TSHZ1: variants seen among roughly 807,000 people sequenced by gnomAD.
TSHZ1 encodes the protein teashirt zinc finger homeobox 1, also known as teashirt homolog 1.
Under a neutral mutation model 67.1 loss-of-function variants are expected in TSHZ1, and 12 were observed. The ratio of observed to expected loss-of-function variants is 0.18; its 90% confidence interval spans 0.11 to 0.29. The LOEUF (loss-of-function observed/expected upper bound fraction) is 0.29, where lower values mean the gene tolerates loss of function less well. TSHZ1 is among the 10% of genes least tolerant of loss of function. The probability of loss-of-function intolerance (pLI) is 1.00; values close to 1 mark genes in which losing one functional copy is unlikely to be tolerated. For missense variants in TSHZ1, 1,305 were observed against 1,413.9 expected (o/e 0.92, Z 1.23); for synonymous variants, 632 against 622.4 (o/e 1.02, Z -0.23).
chr18:75,231,851 T>G (rs948517740), intron 1 of TSHZ1, among the ~76,000 whole-genome samples: 2 of 152,032 alleles, frequency 1.3e-5, no homozygotes, highest in Admixed American at 6.5e-5. Flanking sequence ...TCTGCGATTT[T>G]AGATCTTCAC....
In TSHZ1 at chr18:75,287,625, C is replaced by G. The variant is rs1156420263; in HGVS notation, c.2218C>G (p.Pro740Ala). ...GATCATCATGGACCACTCACCGGAG[C>G]CTTCCTTCATCAACCCGCTGAGCGC... ...LGIIMDHSPE[P>A]SFINPLSALQ... Residue 740 changes from proline (P) to alanine (A), a missense_variant, in exon 2 of 2, where the codon CCT (proline) becomes GCT (alanine). By Grantham distance (27) the Pro-to-Ala change is conservative (BLOSUM62 -1). Around this residue, in one of 3 missense-constraint regions of TSHZ1, gnomAD observed 909 missense variants for 961.8 expected, o/e 0.95. Coordinates refer to ENST00000580243, the MANE Select transcript of TSHZ1 (RefSeq NM_001308210.2). The surrounding 1 kb of genome is among the most constrained non-coding windows in gnomAD (Gnocchi z 5.0). 8.7e-6 allele frequency: 14 copies of G among 1,614,068 alleles called. No homozygotes were observed. Among genetic ancestry groups the G allele is most frequent in the Non-Finnish European group, 1.1e-5 (13 of 1,180,058 alleles).
chr18:75,277,434 G>A (rs2023627405), intron 1 of TSHZ1, among the ~76,000 whole-genome samples: 2 of 152,196 alleles, frequency 1.3e-5, no homozygotes, highest in South Asian at 2.1e-4. Flanking sequence ...CCTTCAGGCT[G>A]TTGTAGCAGA....
chr18:75,282,106 T>A (rs912321593), intron 1 of TSHZ1, among the ~76,000 whole-genome samples: 3 of 152,198 alleles, frequency 2.0e-5, no homozygotes, highest in Non-Finnish European at 4.4e-5. Flanking sequence ...CTTCTCGTTC[T>A]GTGGATCTGT....
rs2023774856 is a variant in TSHZ1 at position 75,286,851 on chromosome 18, A to G, written c.1444A>G (p.Ser482Gly). 1.9e-6 allele frequency: 3 copies of G among 1,614,122 alleles called. No homozygotes were observed. Among genetic ancestry groups the G allele is most frequent in the East Asian group, 2.2e-5 (1 of 44,870 alleles). Residue 482 changes from serine (S) to glycine (G), a missense_variant, in exon 2 of 2, where the codon AGC (serine) becomes GGC (glycine). Coordinates refer to ENST00000580243, the MANE Select transcript of TSHZ1 (RefSeq NM_001308210.2). The surrounding 1 kb of genome is among the most constrained non-coding windows in gnomAD (Gnocchi z 5.1). ...CACCCACACGCGGCTGCCGGCCTCC[A>G]GCATCAAAAAGCAGCCCGACTCTCC... is the stretch of plus-strand genomic sequence containing the variant. ...PTTHTRLPAS[S>G]IKKQPDSPAG... is the part of the protein sequence containing the mutation.
Position 75,246,052 on chromosome 18 carries a change from G to A in TSHZ1, c.40+34136G>A, listed in dbSNP as rs553864585. On this transcript the variant is annotated intron_variant, in intron 1 of 1. Transcript: ENST00000580243. The stretch of plus-strand genomic sequence containing the variant: ...ACCACCTCACCGCCCTTCCAGGCAC[G>A]TCACCAGCACCGAAGCGCCTTTACC... Among the ~76,000 whole-genome samples the A allele has an allele frequency of 3.9e-5, 6 of 152,310 alleles. No homozygotes were observed. In the South Asian group the frequency reaches 1.2e-3, roughly 32 times the overall value.
chr18:75,222,469 CT>C (rs539066589), intron 1 of TSHZ1, among the ~76,000 whole-genome samples: 2 of 151,936 alleles, frequency 1.3e-5, no homozygotes, highest in South Asian at 2.1e-4. Flanking sequence ...TCGTTGTCTC[CT>C]TTTTTTTCTC....
intron 1 of TSHZ1, among the ~76,000 whole-genome samples, chr18:75,213,623 A>AT (rs11402374): frequency 0.22 from 32,458 of 147,642 alleles, 5,194 homozygotes; most frequent in African/African-American, 0.46. Flanking sequence ...TAAATACCAC[A>AT]TTTTTTTTTT....
chr18:75,256,378 C>T (rs181274872), intron 1 of TSHZ1, among the ~76,000 whole-genome samples: 212 of 152,328 alleles, frequency 1.4e-3, no homozygotes, highest in Admixed American at 2.7e-3. Context: ...TCAGCTGGGT[C>T]ACAGAGGTTT....
chr18:75,275,608 C>T (rs943739770), intron 1 of TSHZ1, among the ~76,000 whole-genome samples: 4 of 152,170 alleles, frequency 2.6e-5, no homozygotes, highest in Admixed American at 6.5e-5. Context: ...GTCCTTTTTT[C>T]GTTTCAGGGG....
chr18:75,285,452 T>C lies in TSHZ1; in HGVS notation c.45T>C (p.Tyr15=). 3 of 1,479,486 alleles carry C rather than the reference T, an allele frequency of 2.0e-6. No individual in the cohort carries two copies. The highest frequency in any genetic ancestry group is 1.8e-6 in the Non-Finnish European group (2 of 1,114,512). The allele number at this position is 1,479,486 out of a possible 1,614,324, so 91.6% of individuals were successfully genotyped here. The change falls in exon 2 of 2, where the codon TAT becomes TAC. Residue 15 remains tyrosine (Y), a synonymous_variant. Transcript: ENST00000580243. ...GGTTTCATTTTTCTCTCCTAGCTTA[T>C]GTTCCTGAGGAAGAATTGAAGGCAG... ...KQQAPRRSAA[Y]VPEEELKAAE...
intron 1 of TSHZ1, among the ~76,000 whole-genome samples, chr18:75,274,464 G>A (rs2023593280): frequency 1.3e-5 from 2 of 152,084 alleles, no homozygotes; most frequent in South Asian, 4.1e-4. Flanking sequence ...TAGTCTAAAA[G>A]ATTGTATTCA....
intron 1 of TSHZ1, among the ~76,000 whole-genome samples, chr18:75,235,984 A>T (rs770993629): frequency 6.6e-6 from 1 of 152,164 alleles, no homozygotes; most frequent in Non-Finnish European, 1.5e-5. Flanking sequence ...CCTTGCCTCC[A>T]CACCCACATT....
At chr18:75,246,403 G>GGTGTGTGTGTGTGTGTGTGTGTGT (rs74178999) in intron 1 of TSHZ1, among the ~76,000 whole-genome samples, 4,251 of 108,292 alleles carry the variant, frequency 0.039, 350 homozygotes, top group Middle Eastern at 0.068. Flanking sequence ...TTTGGTTTCT[G>GGTGTGTGTGTGTGTGTGTGTGTGT]GTGTGTGTGT....
chr18:75,287,797 C>T lies in TSHZ1; in HGVS notation c.2390C>T (p.Ala797Val). Reference protein sequence around the residue: ...YPATPVKQADAIDRYYYENSD... With the variant: ...YPATPVKQADVIDRYYYENSD... ...GCCACCCCTGTGAAGCAGGCCGATG[C>T]CATCGACCGCTACTATTATGAAAAC... Residue 797 changes from alanine to valine, a missense_variant, in exon 2 of 2, where the codon GCC becomes GTC. Around this residue, in one of 3 missense-constraint regions of TSHZ1, gnomAD observed 909 missense variants for 961.8 expected, o/e 0.95. Coordinates refer to ENST00000580243, the MANE Select transcript of TSHZ1 (RefSeq NM_001308210.2). The surrounding 1 kb of genome is among the most constrained non-coding windows in gnomAD (Gnocchi z 5.0). 1 of 1,614,110 alleles carries T rather than the reference C, an allele frequency of 6.2e-7. No homozygotes were observed. Among genetic ancestry groups the T allele is most frequent in the Non-Finnish European group, 8.5e-7 (1 of 1,180,042 alleles).
At chr18:75,275,219 C>G (rs1242102699) in intron 1 of TSHZ1, among the ~76,000 whole-genome samples, 1 of 152,200 alleles carries the variant, frequency 6.6e-6, no homozygotes, top group Non-Finnish European at 1.5e-5. Flanking sequence ...TATTCTGAGA[C>G]ATAAGCCCTT....
chr18:75,231,583 G>A (rs971680511), intron 1 of TSHZ1, among the ~76,000 whole-genome samples: 11 of 152,168 alleles, frequency 7.2e-5, no homozygotes, highest in Non-Finnish European at 1.3e-4. Context: ...TCCCCAGGCT[G>A]GAGTGCAGTG....
rs986204081 is a variant in TSHZ1, at chr18:75,289,621, A to T, written c.*980A>T. Reference sequence around the variant, plus strand: ...AACTTTCTTTGTACCTTCTGGCTGTATGCTTTCTCTTTTAACTTTTTATAT... The same window carrying T: ...AACTTTCTTTGTACCTTCTGGCTGTTTGCTTTCTCTTTTAACTTTTTATAT... On this transcript the variant is annotated 3_prime_UTR_variant, in exon 2 of 2. Coordinates refer to ENST00000580243, the MANE Select transcript of TSHZ1 (RefSeq NM_001308210.2). 6.0e-6 allele frequency: 1 copy of T among 167,056 alleles called. No homozygotes were observed. Among genetic ancestry groups the T allele is most frequent in the African/African-American group, 2.4e-5 (1 of 41,446 alleles). 10.3% of individuals were successfully genotyped at this position (167,056 alleles called of 1,614,324 possible).
At chr18:75,244,402 G>C (rs555314943) in intron 1 of TSHZ1, among the ~76,000 whole-genome samples, 2 of 152,286 alleles carry the variant, frequency 1.3e-5, no homozygotes, top group East Asian at 1.9e-4. Context: ...TGAACATTTT[G>C]AGAAATGCAA....
chr18:75,287,786 G>A lies in TSHZ1; in HGVS notation c.2379G>A (p.Lys793=), dbSNP rs143708566. ...CGGTGTACCCCGCCACCCCTGTGAA[G>A]CAGGCCGATGCCATCGACCGCTACT... ...DKPVYPATPV[K]QADAIDRYYY... is the part of the protein sequence containing the mutation. Residue 793 remains lysine, a synonymous_variant, in exon 2 of 2, where the codon AAG becomes AAA. Transcript: ENST00000580243. This position sits in a 1 kb window ranked among gnomAD's most constrained non-coding sequence, Gnocchi z 5.0. The A allele has an allele frequency of 1.5e-5, 25 of 1,614,176 alleles. No homozygotes were observed. In the African/African-American group the frequency reaches 2.9e-4, roughly 19 times the overall value.
Sources: allele counts gnomAD v4.1 joint callset (sites outside exome capture counted in the v4.1 genomes callset), GRCh38; gene constraint gnomAD v4.1.1; regional missense constraint gnomAD v4.1.1; non-coding constraint Gnocchi (gnomAD v3.1); transcripts MANE v1.5; gene names NCBI Gene and HGNC (gene_info 2026-07-23, HGNC 2026-07-21).